RNF2: variants seen among roughly 807,000 people sequenced by gnomAD.
The protein encoded by RNF2 is ring finger protein 2, also known as E3 ubiquitin-protein ligase RING2.
In RNF2, 6 loss-of-function variants were observed where a neutral mutation model predicts 37.2. The ratio of observed to expected loss-of-function variants is 0.16; its 90% confidence interval spans 0.09 to 0.32. The LOEUF (loss-of-function observed/expected upper bound fraction) is 0.32. Among genes scored for constraint, RNF2 ranks in the 10% least tolerant of loss-of-function variants. The pLI, the probability that RNF2 is intolerant of heterozygous loss-of-function variation, is 1.00. For missense variants in RNF2, 251 were observed against 404.0 expected (o/e 0.62, Z 3.25); for synonymous variants, 133 against 132.7 (o/e 1.00, Z -0.02).
At chr1:185,074,363 A>AG (rs1162995020) in intron 1 of RNF2, among the ~76,000 whole-genome samples, 2 of 152,130 alleles carry the variant, frequency 1.3e-5, no homozygotes, top group African/African-American at 4.8e-5. Context: ...ATGGGACTGT[A>AG]GGGGTAGGAT....
At chr1:185,099,670 C>A in intron 5 of RNF2, 121 bp from the exon 6 acceptor site, 2 of 786,530 alleles carry the variant, frequency 2.5e-6, no homozygotes, top group Non-Finnish European at 4.1e-6. Flanking sequence ...ATTATTTTGT[C>A]AATAATTGAG....
chr1:185,091,899 T>A, intron 3 of RNF2, 160 bp downstream of exon 3: 1 of 579,662 alleles, frequency 1.7e-6, no homozygotes, highest in Non-Finnish European at 2.9e-6. Flanking sequence ...CACTGCAACC[T>A]CTGCCTCCTG....
intron 2 of RNF2, among the ~76,000 whole-genome samples, chr1:185,088,250 A>C (rs767097981): frequency 1.2e-4 from 19 of 152,202 alleles, no homozygotes; most frequent in Non-Finnish European, 2.4e-4. Flanking sequence ...TTCAACATTT[A>C]GAAATTAGGT....
intron 1 of RNF2, among the ~76,000 whole-genome samples, chr1:185,066,026 C>A (rs983351847): frequency 6.6e-5 from 10 of 151,238 alleles, no homozygotes; most frequent in Admixed American, 2.6e-4. Flanking sequence ...CTTCCTTTGT[C>A]ATTTCCTATA....
At chr1:185,045,862 T>C (rs949886435) in intron 1 of RNF2, among the ~76,000 whole-genome samples, 15 of 152,104 alleles carry the variant, frequency 9.9e-5, no homozygotes, top group African/African-American at 3.4e-4. Context: ...TCCCGTGTCT[T>C]CGAGGGTCGT....
chr1:185,068,811 C>T (rs1650875974), intron 1 of RNF2, among the ~76,000 whole-genome samples: 1 of 152,132 alleles, frequency 6.6e-6, no homozygotes, highest in South Asian at 2.1e-4. Flanking sequence ...CTCAGTTTAC[C>T]TAAACTCTTT....
chr1:185,060,063 G>C (rs1650554226), intron 1 of RNF2, among the ~76,000 whole-genome samples: 1 of 152,204 alleles, frequency 6.6e-6, no homozygotes. Context: ...ATTGGAACTT[G>C]ATGAACATTT....
At chr1:185,060,105 T>C (rs1042538730) in intron 1 of RNF2, among the ~76,000 whole-genome samples, 4 of 152,240 alleles carry the variant, frequency 2.6e-5, no homozygotes, top group African/African-American at 9.6e-5. Flanking sequence ...AATCTTGGAA[T>C]ATACCACTTT....
At chr1:185,077,499 A>G (rs1418798967) in intron 1 of RNF2, among the ~76,000 whole-genome samples, 3 of 152,060 alleles carry the variant, frequency 2.0e-5, no homozygotes, top group Admixed American at 2.0e-4. Context: ...TTTCTAACTT[A>G]TTACGACTTT....
intron 3 of RNF2, chr1:185,091,944 T>C: frequency 1.2e-5 from 5 of 429,398 alleles, no homozygotes; most frequent in Non-Finnish European, 2.0e-5. Flanking sequence ...GCCTCCAGAG[T>C]AGCTGGGATT....
chr1:185,083,510 T>C (rs369221497), intron 1 of RNF2, among the ~76,000 whole-genome samples: 190 of 152,242 alleles, frequency 1.2e-3, no homozygotes, highest in African/African-American at 4.2e-3. Flanking sequence ...GCTTTCTCTC[T>C]CCTTCCCACT....
At chr1:185,057,422 A>G (rs1026136862) in intron 1 of RNF2, among the ~76,000 whole-genome samples, 2 of 152,200 alleles carry the variant, frequency 1.3e-5, no homozygotes, top group Non-Finnish European at 2.9e-5. Context: ...ATATTTAATC[A>G]TTTCATTGTG....
At position 185,100,370 on chromosome 1, in the gene RNF2, G is replaced by C. The variant is rs1262079021; in HGVS notation, c.*69G>C. 2.0e-6 allele frequency: 2 copies of C among 1,019,878 alleles called. No homozygotes were observed. The highest frequency in any genetic ancestry group is 3.0e-6 in the Non-Finnish European group (2 of 677,294). 63.2% of individuals were successfully genotyped at this position (1,019,878 alleles called of 1,614,324 possible). ...TTTCTTTAATATTAAAGATGTACTGGCATTACTTTTATGGACAGATCTTGG... is the reference window on the plus strand; with the variant it reads ...TTTCTTTAATATTAAAGATGTACTGCCATTACTTTTATGGACAGATCTTGG... On this transcript the variant is annotated 3_prime_UTR_variant, in exon 7 of 7. Transcript: ENST00000367510.
intron 1 of RNF2, among the ~76,000 whole-genome samples, chr1:185,049,876 T>C (rs529854383): frequency 6.6e-6 from 1 of 152,212 alleles, no homozygotes; most frequent in African/African-American, 2.4e-5. Context: ...ACTGCCAGGG[T>C]CAGGGGCTGC....
chr1:185,071,807 A>C (rs1650984149), intron 1 of RNF2: 1 of 153,056 alleles, frequency 6.5e-6, no homozygotes, highest in Non-Finnish European at 1.5e-5. Flanking sequence ...TACGTGCTCC[A>C]TTGTCTTCAA....
chr1:185,081,599 G>T (rs908341369), intron 1 of RNF2, among the ~76,000 whole-genome samples: 4 of 139,742 alleles, frequency 2.9e-5, no homozygotes, highest in African/African-American at 7.7e-5. Flanking sequence ...GGTGGGGGGG[G>T]GCGGTTTCAC....
intron 1 of RNF2, among the ~76,000 whole-genome samples, chr1:185,079,482 G>GTTA (rs1651281878): frequency 6.6e-6 from 1 of 152,156 alleles, no homozygotes; most frequent in Non-Finnish European, 1.5e-5. Context: ...ACCTTTTAAA[G>GTTA]GAAAGCATCT....
chr1:185,097,702 A>G (rs146175757), intron 4 of RNF2, among the ~76,000 whole-genome samples: 3,327 of 152,070 alleles, frequency 0.022, 61 homozygotes, highest in South Asian at 0.063. Context: ...CAGCTAATTA[A>G]AATTTTTTGT....
chr1:185,100,241 A>G lies in RNF2; in HGVS notation c.951A>G (p.Lys317=), dbSNP rs1180319110. ...TTTCTTTGGAATTGGTCAGTGAGAA[A>G]TACTGGAAAGTGAACAAACCCATGG... The part of the protein sequence containing the change: ...GSFSLELVSE[K]YWKVNKPMEL... Residue 317 remains lysine, a synonymous_variant, in exon 7 of 7, where the codon AAA becomes AAG. Transcript: ENST00000367510. 3.1e-6 allele frequency: 5 copies of G among 1,611,912 alleles called. No homozygotes were observed. Among genetic ancestry groups the G allele is most frequent in the Admixed American group, 1.7e-5 (1 of 59,778 alleles).
Sources: allele counts gnomAD v4.1 joint callset (sites outside exome capture counted in the v4.1 genomes callset), GRCh38; gene constraint gnomAD v4.1.1; transcripts MANE v1.5; gene names NCBI Gene and HGNC (gene_info 2026-07-23, HGNC 2026-07-21).